Variants in KCNH5 observed in about 807,000 individuals in gnomAD.
KCNH5 encodes potassium voltage-gated channel subfamily H member 5, also known as voltage-gated delayed rectifier potassium channel KCNH5.
Under a neutral mutation model 96.1 loss-of-function variants are expected in KCNH5, and 46 were observed. That is an observed-to-expected ratio of 0.48 (90% CI 0.38 to 0.61). KCNH5 has a LOEUF of 0.61. Ranked by LOEUF, KCNH5 falls within the 20% of genes least tolerant of loss-of-function variation. The pLI is 0.00. For missense variants in KCNH5, 907 were observed against 1,225.8 expected (o/e 0.74, Z 3.88); for synonymous variants, 439 against 449.8 (o/e 0.98, Z 0.30).
chr14:62,803,960 T>G (rs1886715524), intron 8 of KCNH5, among the ~76,000 whole-genome samples: 1 of 152,236 alleles, frequency 6.6e-6, no homozygotes, highest in Non-Finnish European at 1.5e-5. Flanking sequence ...AAAATAGTTT[T>G]CTTTCCTCTA....
intron 10 of KCNH5, among the ~76,000 whole-genome samples, chr14:62,725,234 G>A (rs1390361788): frequency 5.3e-5 from 8 of 152,026 alleles, no homozygotes; most frequent in African/African-American, 7.3e-5. Flanking sequence ...CTCCCAAAGC[G>A]ATTGAAATTT....
chr14:62,863,780 G>A (rs1325256264), intron 7 of KCNH5, among the ~76,000 whole-genome samples: 1 of 152,056 alleles, frequency 6.6e-6, no homozygotes, highest in Non-Finnish European at 1.5e-5. Flanking sequence ...TTGTAAACCA[G>A]GCAGCCATTA....
chr14:62,950,020 A>G (rs1243118131), intron 7 of KCNH5, 113 bp downstream of exon 7: 2 of 827,910 alleles, frequency 2.4e-6, no homozygotes, highest in Admixed American at 5.3e-5. Context: ...TGCAAATAAG[A>G]TGGATTAAAT....
chr14:62,838,140 AT>A (rs1887502047), intron 8 of KCNH5, among the ~76,000 whole-genome samples: 1 of 152,184 alleles, frequency 6.6e-6, no homozygotes, highest in South Asian at 2.1e-4. Context: ...CATGCATTTA[AT>A]TTTCAACCTT....
chr14:62,979,211 T>G (rs976183556), intron 6 of KCNH5, among the ~76,000 whole-genome samples: 1 of 152,106 alleles, frequency 6.6e-6, no homozygotes, highest in African/African-American at 2.4e-5. Flanking sequence ...GTGCAAAACA[T>G]AAATACTGCT....
Position 62,949,811 on chromosome 14 carries a change from T to C in KCNH5, c.1369+322A>G, listed in dbSNP as rs561580643. 10 of 196,512 alleles carry C rather than the reference T, an allele frequency of 5.1e-5. 1 individual carries two copies. In the South Asian group the frequency reaches 8.6e-4, roughly 17 times the overall value. 12.2% of individuals were successfully genotyped at this position (196,512 alleles called of 1,614,324 possible). On this transcript the variant is annotated intron_variant, in intron 7 of 10. Coordinates refer to ENST00000322893, the MANE Select transcript of KCNH5 (RefSeq NM_139318.5). ...ATCAGATCCTATCTCTTTTTTTTTT[T>C]TTTTTTGGAATTTAACACATTACCA...
chr14:62,831,200 A>G (rs1470390730), intron 8 of KCNH5, among the ~76,000 whole-genome samples: 1 of 152,114 alleles, frequency 6.6e-6, no homozygotes. Flanking sequence ...TCTTTTGTGT[A>G]ATTTCCTCAT....
In KCNH5 at chr14:62,708,334, T is replaced by C. The variant is rs1595587801; in HGVS notation, c.2141A>G (p.Lys714Arg). 1 of 1,614,172 alleles carries C rather than the reference T, an allele frequency of 6.2e-7. No homozygotes were observed. The highest frequency in any genetic ancestry group is 8.5e-7 in the Non-Finnish European group (1 of 1,180,042). Residue 714 changes from lysine to arginine, a missense_variant, in exon 11 of 11, where the codon AAG becomes AGG. Lys to Arg is a conservative substitution (Grantham distance 26, BLOSUM62 2). Transcript: ENST00000322893. ...CTGATTCCGCAGCTCCTTCTGCTGC[T>C]TGAACTTCTGGAAGAGCTTTCTGAC... is the stretch of plus-strand genomic sequence containing the variant. ...HPVRKLFQKFKQQKELRNQGS... is the reference protein window; with the variant it reads ...HPVRKLFQKFRQQKELRNQGS...
chr14:62,993,916 G>T (rs1486314521), intron 4 of KCNH5, among the ~76,000 whole-genome samples: 3 of 152,056 alleles, frequency 2.0e-5, no homozygotes, highest in African/African-American at 7.2e-5. Flanking sequence ...TACTTGCTCT[G>T]TAAGTTGTTC....
intron 7 of KCNH5, among the ~76,000 whole-genome samples, chr14:62,933,405 T>C (rs1287977714): frequency 1.3e-5 from 2 of 152,030 alleles, no homozygotes; most frequent in African/African-American, 4.8e-5. Context: ...GATCTAAATA[T>C]AGAGAAGATT....
intron 8 of KCNH5, among the ~76,000 whole-genome samples, chr14:62,837,892 G>A (rs1887495912): frequency 6.6e-6 from 1 of 152,138 alleles, no homozygotes; most frequent in Non-Finnish European, 1.5e-5. Context: ...TGTGTTATTA[G>A]ACAAGAGGGA....
chr14:62,853,023 CA>C (rs1887838552), intron 7 of KCNH5, among the ~76,000 whole-genome samples: 1 of 152,152 alleles, frequency 6.6e-6, no homozygotes, highest in Non-Finnish European at 1.5e-5. Flanking sequence ...CAGTCTATAG[CA>C]CCCTCTCTCC....
At chr14:62,800,078 T>G (rs1352251120) in intron 9 of KCNH5, among the ~76,000 whole-genome samples, 2 of 151,766 alleles carry the variant, frequency 1.3e-5, no homozygotes, top group East Asian at 3.9e-4. Context: ...ATTAAAGCAT[T>G]TTGTATGTTA....
chr14:62,952,204 T>C (rs780719228), intron 6 of KCNH5, among the ~76,000 whole-genome samples: 2 of 152,124 alleles, frequency 1.3e-5, no homozygotes, highest in African/African-American at 2.4e-5. Flanking sequence ...CTCTCAAATA[T>C]TGTAGCATAT....
chr14:62,905,530 G>A (rs558576192), intron 7 of KCNH5, among the ~76,000 whole-genome samples: 9 of 152,256 alleles, frequency 5.9e-5, no homozygotes, highest in African/African-American at 2.2e-4. Flanking sequence ...CAAATGTTAG[G>A]TAAGAGTCTT....
intron 1 of KCNH5, among the ~76,000 whole-genome samples, chr14:63,043,441 C>A (rs912676529): frequency 1.3e-5 from 2 of 152,126 alleles, no homozygotes; most frequent in African/African-American, 4.8e-5. Flanking sequence ...ACATTTTCCC[C>A]AAACTGTTTT....
intron 2 of KCNH5, among the ~76,000 whole-genome samples, chr14:63,008,601 T>C (rs1181872953): frequency 6.6e-6 from 1 of 151,918 alleles, no homozygotes; most frequent in Non-Finnish European, 1.5e-5. Context: ...TTTTAATATA[T>C]TTAATTTAAA....
At chr14:62,972,188 T>C (rs765250650) in intron 6 of KCNH5, among the ~76,000 whole-genome samples, 5 of 152,140 alleles carry the variant, frequency 3.3e-5, no homozygotes, top group Non-Finnish European at 7.4e-5. Context: ...AACACACATC[T>C]TACCAAAGAA....
rs966675209 is a variant in KCNH5, at chr14:62,842,949, T to C, written c.1569+6704A>G. Among the ~76,000 whole-genome samples the C allele has an allele frequency of 2.6e-5, 4 of 152,330 alleles. No homozygotes were observed. The South Asian group carries it at 8.3e-4, about 32-fold the overall frequency. On this transcript the variant is annotated intron_variant, in intron 8 of 10. Transcript: ENST00000322893. ...ACTCCAAATCATTCAGACACAATCA[T>C]ATAATCTTACTGTCAGGACCTGCAA...
Sources: gnomAD v4.1 joint callset for allele counts (sites outside exome capture counted in the v4.1 genomes callset) on GRCh38, gnomAD v4.1.1 for gene constraint, MANE v1.5 for transcripts, NCBI Gene and HGNC (gene_info 2026-07-23, HGNC 2026-07-21) for gene names.